DNAJC1: variants seen among roughly 807,000 people sequenced by gnomAD.
The protein encoded by DNAJC1 is dnaJ homolog subfamily C member 1.
A neutral mutation model predicts 76.6 loss-of-function variants in DNAJC1; 58 were observed. The ratio of observed to expected loss-of-function variants is 0.76; its 90% confidence interval spans 0.61 to 0.94. The LOEUF (loss-of-function observed/expected upper bound fraction) is 0.94, where lower values mean the gene tolerates loss of function less well. Among genes scored for constraint, DNAJC1 ranks in the 40% least tolerant of loss-of-function variants. DNAJC1 has a pLI of 0.00. For synonymous variants in DNAJC1, 258 were observed against 267.9 expected (o/e 0.96, Z 0.36); for missense variants, 689 against 677.3 (o/e 1.02, Z -0.19).
intron 8 of DNAJC1, among the ~76,000 whole-genome samples, chr10:21,832,647 C>T (rs1388918783): frequency 6.6e-6 from 1 of 152,108 alleles, no homozygotes; most frequent in Non-Finnish European, 1.5e-5. Context: ...CAGTCTCTCC[C>T]CTGGTCTCTA....
chr10:21,847,280 A>G (rs1293760287), intron 8 of DNAJC1, among the ~76,000 whole-genome samples: 1 of 152,182 alleles, frequency 6.6e-6, no homozygotes, highest in Non-Finnish European at 1.5e-5. Context: ...TGACTCCAAA[A>G]TATCATTTAC....
chr10:21,834,042 A>C (rs1369572203), intron 8 of DNAJC1, among the ~76,000 whole-genome samples: 3 of 151,998 alleles, frequency 2.0e-5, no homozygotes, highest in Non-Finnish European at 2.9e-5. Flanking sequence ...AGGTGGGCGG[A>C]CCACGAGGTC....
chr10:21,837,545 C>T (rs1212490606), intron 8 of DNAJC1, among the ~76,000 whole-genome samples: 4 of 151,128 alleles, frequency 2.6e-5, no homozygotes, highest in African/African-American at 9.7e-5. Context: ...ATGTGAGGTG[C>T]GCCTCTGCCT....
intron 8 of DNAJC1, among the ~76,000 whole-genome samples, chr10:21,820,913 C>T (rs1835148835): frequency 6.6e-6 from 1 of 152,218 alleles, no homozygotes; most frequent in Admixed American, 6.5e-5. Flanking sequence ...GCACGCCACC[C>T]TCCAGGAACC....
At chr10:21,783,558 G>A (rs1461441035) in intron 9 of DNAJC1, among the ~76,000 whole-genome samples, 4 of 152,052 alleles carry the variant, frequency 2.6e-5, no homozygotes, top group Non-Finnish European at 5.9e-5. Context: ...CTACTTTAAA[G>A]TTCATATGGA....
chr10:21,758,606 C>T (rs1005329717), intron 11 of DNAJC1, among the ~76,000 whole-genome samples: 10 of 152,226 alleles, frequency 6.6e-5, no homozygotes, highest in Non-Finnish European at 1.0e-4. Context: ...TGACCACATA[C>T]GGAGATGGCC....
intron 9 of DNAJC1, among the ~76,000 whole-genome samples, chr10:21,798,099 C>T (rs1834768687): frequency 6.6e-6 from 1 of 152,230 alleles, no homozygotes; most frequent in Non-Finnish European, 1.5e-5. Context: ...GCAATCATTT[C>T]CGCTCACAGT....
intron 8 of DNAJC1, among the ~76,000 whole-genome samples, chr10:21,859,051 A>C (rs1835883828): frequency 6.6e-6 from 1 of 152,178 alleles, no homozygotes; most frequent in South Asian, 2.1e-4. Context: ...AATTTTTAAA[A>C]TTTCATCTAA....
Position 21,929,059 on chromosome 10 carries a change from G to C in DNAJC1, c.305C>G (p.Ala102Gly), listed in dbSNP as rs768897598. 6.2e-7 allele frequency: 1 copy of C among 1,608,646 alleles called. No individual in the cohort carries two copies. The highest frequency in any genetic ancestry group is 8.5e-7 in the Non-Finnish European group (1 of 1,177,522). ...ACTTACTTGTCTAAACTGAGTTTCT[G>C]CATTTTCATCTTTATTCTTGTCTGG... ...LHPDKNKDEN[A>G]ETQFRQLVAI... The change falls in exon 2 of 12, where the codon GCA becomes GGA. Residue 102 changes from alanine (A) to glycine (G), a missense_variant. Coordinates refer to ENST00000376980, the MANE Select transcript of DNAJC1 (RefSeq NM_022365.4).
intron 8 of DNAJC1, among the ~76,000 whole-genome samples, chr10:21,812,060 ATT>A (rs1338290273): frequency 9.2e-5 from 13 of 141,434 alleles, no homozygotes; most frequent in African/African-American, 1.0e-4. Context: ...ATGACAAATG[ATT>A]TTTTTTTTTT....
chr10:21,830,095 TTA>T (rs1477036016), intron 8 of DNAJC1, among the ~76,000 whole-genome samples: 1 of 152,210 alleles, frequency 6.6e-6, no homozygotes, highest in Non-Finnish European at 1.5e-5. Flanking sequence ...TATTTTAGTT[TTA>T]GTTTGTTTTA....
intron 8 of DNAJC1, among the ~76,000 whole-genome samples, chr10:21,830,736 CTA>C (rs1350707812): frequency 6.6e-6 from 1 of 152,066 alleles, no homozygotes; most frequent in Non-Finnish European, 1.5e-5. Context: ...TTAACTATTC[CTA>C]TATTTTCCAT....
At chr10:21,885,525 A>G (rs965991405) in intron 7 of DNAJC1, among the ~76,000 whole-genome samples, 1 of 152,204 alleles carries the variant, frequency 6.6e-6, no homozygotes, top group East Asian at 1.9e-4. Context: ...ACCCCCAAAC[A>G]ACAGAATATA....
chr10:21,983,757 T>C (rs187895636), intron 1 of DNAJC1, among the ~76,000 whole-genome samples: 4 of 150,502 alleles, frequency 2.7e-5, no homozygotes, highest in Admixed American at 6.6e-5. Flanking sequence ...GATGAGAGGT[T>C]ACCAGGAGCT....
At chr10:21,841,082 C>G (rs1314969924) in intron 8 of DNAJC1, among the ~76,000 whole-genome samples, 1 of 152,218 alleles carries the variant, frequency 6.6e-6, no homozygotes. Flanking sequence ...CCCTTCCTTA[C>G]ACCTTATACA....
chr10:21,890,258 T>C (rs542592391), intron 7 of DNAJC1, among the ~76,000 whole-genome samples: 12 of 151,016 alleles, frequency 7.9e-5, no homozygotes, highest in African/African-American at 2.9e-4. Flanking sequence ...ACTAAAAATA[T>C]GAAAATTAGC....
intron 8 of DNAJC1, among the ~76,000 whole-genome samples, chr10:21,877,544 T>C (rs1836206508): frequency 6.6e-6 from 1 of 152,140 alleles, no homozygotes; most frequent in East Asian, 1.9e-4. Context: ...CTTAGTAAGA[T>C]ATCAGTATCC....
At chr10:21,939,375 T>TTAA (rs963736186) in intron 1 of DNAJC1, among the ~76,000 whole-genome samples, 3 of 152,210 alleles carry the variant, frequency 2.0e-5, no homozygotes, top group African/African-American at 7.2e-5. Context: ...TTGTATAGTG[T>TTAA]TATTAATCAA....
intron 9 of DNAJC1, among the ~76,000 whole-genome samples, chr10:21,777,150 T>G (rs997178725): frequency 6.6e-6 from 1 of 152,200 alleles, no homozygotes; most frequent in Non-Finnish European, 1.5e-5. Flanking sequence ...ATATCATTAA[T>G]AGTATTCAAA....
Sources: gnomAD v4.1 joint callset for allele counts (sites outside exome capture counted in the v4.1 genomes callset) on GRCh38, gnomAD v4.1.1 for gene constraint, MANE v1.5 for transcripts, NCBI Gene and HGNC (gene_info 2026-07-23, HGNC 2026-07-21) for gene names.